Variants in PCDHGA2 observed in about 807,000 individuals in gnomAD.
PCDHGA2 encodes the protein protocadherin gamma-A2.
A neutral mutation model predicts 59.2 loss-of-function variants in PCDHGA2; 40 were observed. The ratio of observed to expected loss-of-function variants is 0.68; its 90% CI spans 0.52 to 0.88. The LOEUF is 0.88. Among genes scored for constraint, PCDHGA2 ranks in the 40% least tolerant of loss-of-function variants. The pLI is 0.00. For synonymous variants in PCDHGA2, 560 were observed against 526.0 expected (o/e 1.06, Z -0.89); for missense variants, 1,226 against 1,204.0 (o/e 1.02, Z -0.27).
intron 1 of PCDHGA2, chr5:141,352,580 C>T (rs2149770096): frequency 6.2e-7 from 1 of 1,613,892 alleles, no homozygotes; most frequent in East Asian, 2.2e-5. Flanking sequence ...GGCTCCCCCT[C>T]AGGATCTGCT....
chr5:141,370,315 G>C, intron 1 of PCDHGA2: 1 of 1,276,896 alleles, frequency 7.8e-7, no homozygotes, highest in South Asian at 1.6e-5. Context: ...GCAAATAGTT[G>C]GTCCTGCTCG....
At chr5:141,409,075 G>A (rs1416534881) in intron 1 of PCDHGA2, 2 of 1,613,904 alleles carry the variant, frequency 1.2e-6, no homozygotes, top group East Asian at 2.2e-5. Flanking sequence ...CAAAACATAT[G>A]TTCTCATTGG....
At chr5:141,371,369 A>C (rs1370186119) in intron 1 of PCDHGA2, 3 of 1,614,014 alleles carry the variant, frequency 1.9e-6, no homozygotes, top group Non-Finnish European at 2.5e-6. Context: ...AGGATGGTGG[A>C]CATCACACTG....
chr5:141,421,243 C>T (rs201273667), intron 1 of PCDHGA2: 12 of 1,601,540 alleles, frequency 7.5e-6, no homozygotes, highest in Non-Finnish European at 1.0e-5. Flanking sequence ...GAATCGGCTA[C>T]AGCGCGGGGA....
At chr5:141,409,690 A>G in intron 1 of PCDHGA2, 1 of 1,613,354 alleles carries the variant, frequency 6.2e-7, no homozygotes. Flanking sequence ...CGAGTGACCT[A>G]GAGCCCCTGG....
At chr5:141,394,251 G>A (rs1380359596) in intron 1 of PCDHGA2, 1 of 1,613,744 alleles carries the variant, frequency 6.2e-7, no homozygotes, top group Non-Finnish European at 8.5e-7. Flanking sequence ...ACACGACCCC[G>A]ACAGCCAGGA....
chr5:141,405,090 C>A, intron 1 of PCDHGA2: 1 of 1,613,950 alleles, frequency 6.2e-7, no homozygotes, highest in Non-Finnish European at 8.5e-7. Flanking sequence ...ACGCTGCTGG[C>A]CCTCAGGCTG....
At chr5:141,345,546 G>T (rs1291837550) in intron 1 of PCDHGA2, 2 of 1,614,134 alleles carry the variant, frequency 1.2e-6, no homozygotes, top group Non-Finnish European at 1.7e-6. Context: ...GTCCTCCTTC[G>T]TCTCTATCAA....
intron 1 of PCDHGA2, chr5:141,412,359 A>G (rs2095550851): frequency 6.6e-6 from 1 of 152,226 alleles, no homozygotes; most frequent in Non-Finnish European, 1.5e-5. Flanking sequence ...GTTTGTGATT[A>G]CCTGCTTAAT....
chr5:141,345,018 T>C lies in PCDHGA2; in HGVS notation c.2424+3623T>C, dbSNP rs1360482525. Reference sequence around the variant, plus strand: ...AGCACAGGATGGACCAGGTCTTCTTTCAAGAGCCAAGATTCTAGTCACGGT... The same window carrying C: ...AGCACAGGATGGACCAGGTCTTCTTCCAAGAGCCAAGATTCTAGTCACGGT... On this transcript the variant is annotated intron_variant, in intron 1 of 3. Coordinates refer to ENST00000394576, the MANE Select transcript of PCDHGA2 (RefSeq NM_018915.4). The C allele has an allele frequency of 1.2e-6, 2 of 1,613,900 alleles. No homozygotes were observed. The highest frequency in any genetic ancestry group is 1.7e-6 in the Non-Finnish European group (2 of 1,179,900).
intron 1 of PCDHGA2, chr5:141,357,600 A>G (rs1397548733): frequency 6.2e-7 from 1 of 1,613,990 alleles, no homozygotes; most frequent in African/African-American, 1.3e-5. Context: ...TACTTGAAAC[A>G]AAAGGAGACC....
chr5:141,403,177 C>T, intron 1 of PCDHGA2: 3 of 1,614,008 alleles, frequency 1.9e-6, no homozygotes, highest in Non-Finnish European at 2.5e-6. Context: ...CGCAGCTTTT[C>T]TCTCTGAACC....
chr5:141,446,275 A>G (rs1229842331), intron 1 of PCDHGA2, among the ~76,000 whole-genome samples: 1 of 152,156 alleles, frequency 6.6e-6, no homozygotes, highest in African/African-American at 2.4e-5. Flanking sequence ...GAATAAATAC[A>G]ATGGATAAAT....
chr5:141,409,014 AG>A, intron 1 of PCDHGA2: 1 of 1,614,014 alleles, frequency 6.2e-7, no homozygotes, highest in Non-Finnish European at 8.5e-7. Context: ...GACCAGGATG[AG>A]GGGGTCAATG....
rs2097383894 is a variant in PCDHGA2, at chr5:141,431,489, C to T, written c.2425-63318C>T. On this transcript the variant is annotated intron_variant, in intron 1 of 3. Transcript: ENST00000394576. This position sits in a 1 kb window ranked among gnomAD's most constrained non-coding sequence, Gnocchi z 4.8. ...GAACGACAACGCACCAGCGTTTGCTCAGCCCGAGTACCGCGCGAGCGTTCC... is the reference window on the plus strand; with the variant it reads ...GAACGACAACGCACCAGCGTTTGCTTAGCCCGAGTACCGCGCGAGCGTTCC... The T allele has an allele frequency of 1.2e-6, 2 of 1,613,850 alleles. No homozygotes were observed. The highest frequency in any genetic ancestry group is 3.3e-5 in the Admixed American group (2 of 60,016).
At chr5:141,372,324 G>T (rs559633972) in intron 1 of PCDHGA2, 3 of 1,613,586 alleles carry the variant, frequency 1.9e-6, no homozygotes, top group African/African-American at 1.3e-5. Flanking sequence ...GCGCCTGCTG[G>T]TCACTGTGCG....
intron 1 of PCDHGA2, chr5:141,399,976 C>A (rs759278103): frequency 1.2e-6 from 2 of 1,612,122 alleles, no homozygotes; most frequent in African/African-American, 2.7e-5. Context: ...CAGCCTGGGG[C>A]TGCGCACAGG....
At chr5:141,388,957 C>T (rs1378746840) in intron 1 of PCDHGA2, 7 of 1,613,822 alleles carry the variant, frequency 4.3e-6, no homozygotes, top group Non-Finnish European at 5.9e-6. Flanking sequence ...ATGGAGGACG[C>T]CGAGCTGGGA....
chr5:141,431,768 G>T lies in PCDHGA2; in HGVS notation c.2425-63039G>T. 6.2e-7 allele frequency: 1 copy of T among 1,614,218 alleles called. No individual in the cohort carries two copies. The highest frequency in any genetic ancestry group is 8.5e-7 in the Non-Finnish European group (1 of 1,180,036). On this transcript the variant is annotated intron_variant, in intron 1 of 3. Coordinates refer to ENST00000394576, the MANE Select transcript of PCDHGA2 (RefSeq NM_018915.4). The surrounding 1 kb of genome is among the most constrained non-coding windows in gnomAD (Gnocchi z 4.8). ...TGCGCGAGCCAAAGTCCTGATCACT[G>T]TTCTGGACGTGAACGACAATGCCCC...
Sources: gnomAD v4.1 joint callset for allele counts (sites outside exome capture counted in the v4.1 genomes callset) on GRCh38, gnomAD v4.1.1 for gene constraint, Gnocchi (gnomAD v3.1) non-coding constraint, MANE v1.5 for transcripts, NCBI Gene and HGNC (gene_info 2026-07-23, HGNC 2026-07-21) for gene names.